SLC41A3: variants seen among roughly 807,000 people sequenced by gnomAD.
SLC41A3 encodes the protein SLC41A1-like 2.
SLC41A3 carries 44 observed loss-of-function variants against 45.4 expected under a neutral mutation model. That is an observed-to-expected ratio of 0.97 (90% CI 0.76 to 1.25). The LOEUF (loss-of-function observed/expected upper bound fraction) is 1.25, where lower values mean the gene tolerates loss of function less well. Ranked by LOEUF, SLC41A3 falls within the 50% of genes most tolerant of loss-of-function variation. The pLI is 0.00. For synonymous variants in SLC41A3, 256 were observed against 252.4 expected (o/e 1.01, Z -0.13); for missense variants, 550 against 600.6 (o/e 0.92, Z 0.88).
chr3:126,028,238 G>C (rs1049912328), intron 4 of SLC41A3, among the ~76,000 whole-genome samples: 3 of 152,206 alleles, frequency 2.0e-5, no homozygotes, highest in African/African-American at 7.2e-5. Context: ...CCCCTCACAG[G>C]CCCAGAGGCC....
At chr3:126,035,849 G>A (rs186566719) in intron 3 of SLC41A3, among the ~76,000 whole-genome samples, 16 of 152,282 alleles carry the variant, frequency 1.1e-4, no homozygotes, top group Admixed American at 2.6e-4. Context: ...GGGGGCTCTC[G>A]GGGGAGCAGG....
At chr3:126,080,114 T>A (rs1945077804) in intron 1 of SLC41A3, among the ~76,000 whole-genome samples, 1 of 152,156 alleles carries the variant, frequency 6.6e-6, no homozygotes, top group African/African-American at 2.4e-5. Context: ...ATGAAACTAC[T>A]AGTAGAAAAT....
intron 2 of SLC41A3, among the ~76,000 whole-genome samples, chr3:126,061,727 A>G (rs1306062485): frequency 6.6e-6 from 1 of 151,956 alleles, no homozygotes; most frequent in Non-Finnish European, 1.5e-5. Context: ...GCTCACAAAC[A>G]GATGGGCCCA....
chr3:126,007,129 G>C lies in SLC41A3; in HGVS notation c.1351C>G (p.Leu451Val). ...DNHCIPYLTG[L>V]GDLLGTGLLA... is the part of the protein sequence containing the mutation. ...AGGCCAGTACCGAGCAGGTCCCCCAGCCCTGTAAGGTAGGGGATGCAGTGG... is the reference window on the plus strand; with the variant it reads ...AGGCCAGTACCGAGCAGGTCCCCCACCCCTGTAAGGTAGGGGATGCAGTGG... Residue 451 changes from leucine to valine, a missense_variant, in exon 11 of 11, where the codon CTG (leucine) becomes GTG (valine). Transcript: ENST00000360370. 6.2e-7 allele frequency: 1 copy of C among 1,614,220 alleles called. No homozygotes were observed. Among genetic ancestry groups the C allele is most frequent in the Non-Finnish European group, 8.5e-7 (1 of 1,180,038 alleles).
intron 1 of SLC41A3, among the ~76,000 whole-genome samples, chr3:126,080,989 G>C (rs1035932478): frequency 6.6e-6 from 1 of 151,928 alleles, no homozygotes; most frequent in African/African-American, 2.4e-5. Flanking sequence ...ACTACCATAT[G>C]ATCCGGCAAT....
chr3:126,013,942 G>T (rs1939992778), intron 8 of SLC41A3, among the ~76,000 whole-genome samples: 1 of 152,184 alleles, frequency 6.6e-6, no homozygotes, highest in Non-Finnish European at 1.5e-5. Context: ...GGAACACCAG[G>T]GCTTCCTGCT....
chr3:126,072,136 T>C (rs1489822328), intron 1 of SLC41A3, among the ~76,000 whole-genome samples: 2 of 152,028 alleles, frequency 1.3e-5, no homozygotes, highest in Non-Finnish European at 1.5e-5. Flanking sequence ...AGAAATTTCT[T>C]TGAGATGAAT....
chr3:126,053,043 G>C (rs956860141), intron 2 of SLC41A3, among the ~76,000 whole-genome samples: 8 of 152,330 alleles, frequency 5.3e-5, no homozygotes, highest in Middle Eastern at 3.4e-3. Context: ...GACCTGAGAA[G>C]TCCTGTCTGG....
At chr3:126,056,645 C>T in intron 2 of SLC41A3, 1 of 1,482,290 alleles carries the variant, frequency 6.7e-7, no homozygotes. Context: ...ACGCTGTTCC[C>T]AAGAAGTCCA....
Position 126,008,743 on chromosome 3 carries a change from C to G in SLC41A3, c.1243G>C (p.Gly415Arg), listed in dbSNP as rs761918492. ...QTFVVLYLLA[G>R]LIQVTILLYL... is the part of the protein sequence containing the mutation. ...GCAGCCAGGCTTACCTGGATCAGGC[C>G]TGCCAGCAGGTAGAGCACCACAAAG... is the stretch of plus-strand genomic sequence containing the variant. The change falls in exon 10 of 11, where the codon GGC becomes CGC. Residue 415 changes from glycine to arginine, a missense_variant. Transcript: ENST00000360370. The G allele has an allele frequency of 6.2e-7, 1 of 1,613,974 alleles. No individual in the cohort carries two copies. The highest frequency in any genetic ancestry group is 1.1e-5 in the South Asian group (1 of 91,062).
chr3:126,023,212 C>G (rs1052873803), intron 5 of SLC41A3: 2 of 336,114 alleles, frequency 6.0e-6, no homozygotes, highest in Non-Finnish European at 1.1e-5. Context: ...CCGTGGCTCC[C>G]GAGCTCCCAA....
Position 126,006,723 on chromosome 3 carries a change from A to G in SLC41A3, c.*293T>C. On this transcript the variant is annotated 3_prime_UTR_variant, in exon 11 of 11. Transcript: ENST00000360370. ...GGACATGCCTCTTCTTTACCTTCTC[A>G]GGCCAGAACACCCTCCTCTCCACAA... is the stretch of plus-strand genomic sequence containing the variant. 6.9e-7 allele frequency: 1 copy of G among 1,449,330 alleles called. No individual in the cohort carries two copies. Among genetic ancestry groups the G allele is most frequent in the East Asian group, 2.5e-5 (1 of 40,220 alleles). The allele number at this position is 1,449,330 out of a possible 1,614,324, so 89.8% of individuals were successfully genotyped here.
At chr3:126,075,474 C>T (rs555548859) in intron 1 of SLC41A3, among the ~76,000 whole-genome samples, 48 of 148,262 alleles carry the variant, frequency 3.2e-4, no homozygotes, top group Middle Eastern at 6.8e-3. Context: ...CCCTCCCTTC[C>T]TTCTTTCTTT....
At chr3:126,068,284 T>C in intron 1 of SLC41A3, 38 bp from the exon 2 acceptor site, 1 of 1,458,216 alleles carries the variant, frequency 6.9e-7, no homozygotes. Context: ...GCCAAGTTCC[T>C]GATTCCCATG....
chr3:126,033,278 A>C (rs375104342), intron 4 of SLC41A3, among the ~76,000 whole-genome samples: 1 of 144,288 alleles, frequency 6.9e-6, no homozygotes, highest in Non-Finnish European at 1.5e-5. Flanking sequence ...TGGCCTGAGA[A>C]GCACAATTAG....
At chr3:126,069,344 C>T (rs1486813324) in intron 1 of SLC41A3, among the ~76,000 whole-genome samples, 3 of 152,078 alleles carry the variant, frequency 2.0e-5, no homozygotes, top group Non-Finnish European at 4.4e-5. Flanking sequence ...ACACTCATTC[C>T]CTGCATGGAG....
chr3:126,057,726 C>A (rs1943764753), intron 2 of SLC41A3, among the ~76,000 whole-genome samples: 1 of 152,252 alleles, frequency 6.6e-6, no homozygotes, highest in Non-Finnish European at 1.5e-5. Context: ...AGACGAATTT[C>A]TCCAGCACCT....
chr3:126,035,512 C>G (rs866139310), intron 3 of SLC41A3, among the ~76,000 whole-genome samples: 82 of 152,190 alleles, frequency 5.4e-4, no homozygotes, highest in African/African-American at 1.8e-3. Flanking sequence ...GGACCTCCTC[C>G]AAGACTATTG....
At chr3:126,067,498 AG>A in intron 2 of SLC41A3, 2 of 382,496 alleles carry the variant, frequency 5.2e-6, no homozygotes, top group South Asian at 4.0e-5. Flanking sequence ...GAAGACACGG[AG>A]AAAAGGCAGC....
Sources: allele counts gnomAD v4.1 joint callset (sites outside exome capture counted in the v4.1 genomes callset), GRCh38; gene constraint gnomAD v4.1.1; transcripts MANE v1.5; gene names NCBI Gene and HGNC (gene_info 2026-07-23, HGNC 2026-07-21).